CHEK2: variants seen among roughly 807,000 people sequenced by gnomAD.
CHEK2 encodes serine/threonine-protein kinase Chk2.
CHEK2 carries 71 observed loss-of-function variants against 69.1 expected under a neutral mutation model. That is an observed-to-expected ratio of 1.03 (90% CI 0.85 to 1.25). The LOEUF is 1.25. Among genes scored for constraint, CHEK2 ranks in the 50% most tolerant of loss-of-function variants. CHEK2 has a pLI of 0.00. For synonymous variants in CHEK2, 189 were observed against 226.9 expected, an observed-to-expected ratio of 0.83 and a Z score of 1.50; for missense variants, 664 against 649.6, an observed-to-expected ratio of 1.02 and a Z score of -0.24.
chr22:28,695,459 C>T (rs2052535963), intron 11 of CHEK2, among the ~76,000 whole-genome samples: 2 of 152,090 alleles, frequency 1.3e-5, no homozygotes, highest in South Asian at 4.2e-4. Context: ...GAGTTCGAGA[C>T]CAGCCTGGGC....
chr22:28,713,988 T>A lies in CHEK2; in HGVS notation c.684-1971A>T, dbSNP rs562295220. Among the ~76,000 whole-genome samples the A allele has an allele frequency of 9.2e-5, 14 of 152,350 alleles. No individual in the cohort carries two copies. In the South Asian group the frequency reaches 1.9e-3, roughly 20 times the overall value. ...GAGCCACCGTGCCCAGCCTGGACAC[T>A]TGTTTTTTAAATTGGGGAATTTATA... is the stretch of plus-strand genomic sequence containing the variant. On this transcript the variant is annotated intron_variant, in intron 5 of 14. Transcript: ENST00000404276.
intron 6 of CHEK2, 60 bp from the exon 7 acceptor site, chr22:28,710,119 C>T: frequency 1.7e-6 from 2 of 1,200,700 alleles, no homozygotes; most frequent in Non-Finnish European, 2.5e-6. Flanking sequence ...TTTAAAAAAA[C>T]ATTTACAGTT....
chr22:28,689,854 C>T (rs377357466), intron 13 of CHEK2, among the ~76,000 whole-genome samples: 3 of 152,178 alleles, frequency 2.0e-5, no homozygotes, highest in Non-Finnish European at 2.9e-5. Flanking sequence ...AGTGTGTATG[C>T]GAGTAGCTCC....
In CHEK2 at chr22:28,734,572, G is replaced by A. The variant is rs967317594; in HGVS notation, c.150C>T (p.Ser50=). Residue 50 remains serine, a synonymous_variant, in exon 2 of 15, where the codon AGC becomes AGT. Coordinates refer to ENST00000404276, the MANE Select transcript of CHEK2 (RefSeq NM_007194.4). The part of the protein sequence containing the change: ...SSSTSTMPNS[S]QSSHSSSGTL... ...TCCCAGAGCTGGAGTGAGAGGACTG[G>A]CTGGAGTTTGGCATCGTGCTGGTAG... The A allele has an allele frequency of 2.5e-6, 4 of 1,613,770 alleles. No homozygotes were observed. The African/African-American group carries it at 5.3e-5, about 22-fold the overall frequency.
At chr22:28,726,351 A>T (rs2054011316) in intron 2 of CHEK2, 1 of 151,188 alleles carries the variant, frequency 6.6e-6, no homozygotes, top group South Asian at 2.1e-4. Flanking sequence ...CCTGGGCAAC[A>T]GAGCAAGACC....
chr22:28,693,699 A>G (rs1156585391), intron 13 of CHEK2, among the ~76,000 whole-genome samples: 1 of 152,128 alleles, frequency 6.6e-6, no homozygotes, highest in African/African-American at 2.4e-5. Context: ...TCTCTACAAA[A>G]AATACAAAAA....
At chr22:28,728,886 A>T (rs188029789) in intron 2 of CHEK2, among the ~76,000 whole-genome samples, 7 of 152,200 alleles carry the variant, frequency 4.6e-5, no homozygotes, top group Admixed American at 4.6e-4. Context: ...CAGGAGGCTG[A>T]GGTAGGAGTT....
At chr22:28,726,983 G>A (rs1037477815) in intron 2 of CHEK2, among the ~76,000 whole-genome samples, 2 of 151,544 alleles carry the variant, frequency 1.3e-5, no homozygotes, top group Admixed American at 6.6e-5. Context: ...CTTGCCTTTT[G>A]TATAACAGAT....
At chr22:28,696,739 G>A (rs954760806) in intron 10 of CHEK2, among the ~76,000 whole-genome samples, 162 bp downstream of exon 10, 23 of 152,126 alleles carry the variant, frequency 1.5e-4, no homozygotes, top group Admixed American at 8.5e-4. Context: ...ATGCTCATTC[G>A]AATCTGGATA....
At position 28,719,431 on chromosome 22, in the gene CHEK2, A is replaced by C; in HGVS notation, c.647T>G (p.Leu216Ter). The C allele has an allele frequency of 6.3e-7, 1 of 1,597,346 alleles. No individual in the cohort carries two copies. The highest frequency in any genetic ancestry group is 8.5e-7 in the Non-Finnish European group (1 of 1,171,032). The change falls in exon 5 of 15, where the codon TTA becomes TGA. Residue 216 changes from leucine (L) to a stop codon, truncating the protein, a stop_gained. Transcript: ENST00000404276. LOFTEE classifies it high-confidence loss of function. ...TTTTGACATGATGTATTCATCTCTT[A>C]ATGCCTTAGGATAAACTGACTGATC... ...VDDQSVYPKA[L>*]RDEYIMSKTL...
intron 4 of CHEK2, among the ~76,000 whole-genome samples, chr22:28,723,316 A>G (rs1411569708): frequency 2.6e-5 from 4 of 152,106 alleles, no homozygotes; most frequent in Non-Finnish European, 5.9e-5. Context: ...AGAGCTCAAT[A>G]GGCCGGGCGC....
chr22:28,721,281 G>GTTTTTTTTTTTTTT (rs755378917), intron 4 of CHEK2, among the ~76,000 whole-genome samples: 1 of 109,948 alleles, frequency 9.1e-6, no homozygotes, highest in Non-Finnish European at 1.8e-5. Context: ...GTTTGTTTGG[G>GTTTTTTTTTTTTTT]TTTTTTTTTT....
chr22:28,729,274 T>C, intron 2 of CHEK2: 1 of 273,478 alleles, frequency 3.7e-6, no homozygotes, highest in East Asian at 1.6e-4. Flanking sequence ...CCAGGCGCGG[T>C]GGCTCACATC....
At chr22:28,723,605 AAAAAAG>A (rs1220187985) in intron 4 of CHEK2, among the ~76,000 whole-genome samples, 4 of 146,342 alleles carry the variant, frequency 2.7e-5, no homozygotes, top group East Asian at 2.0e-4. Flanking sequence ...CACAAGGAAA[AAAAAAG>A]AAAAAAAAAA....
rs776922287 is a variant in CHEK2 at position 28,734,734 on chromosome 22, A to C, written c.-6-7T>G. On this transcript the variant is annotated splice_polypyrimidine_tract_variant and splice_region_variant and intron_variant, in intron 1 of 14. Coordinates refer to ENST00000404276, the MANE Select transcript of CHEK2 (RefSeq NM_007194.4). Reference sequence around the variant, plus strand: ...ACTCCCGAGACATCACGACCTCAAAAAGAAAGTGTCCAACAACAAAGGTGA... The same window carrying C: ...ACTCCCGAGACATCACGACCTCAAACAGAAAGTGTCCAACAACAAAGGTGA... 6.2e-7 allele frequency: 1 copy of C among 1,613,008 alleles called. No individual in the cohort carries two copies. The highest frequency in any genetic ancestry group is 1.7e-5 in the Admixed American group (1 of 59,972).
intron 6 of CHEK2, 144 bp downstream of exon 6, chr22:28,711,765 A>T (rs2053399319): frequency 1.5e-5 from 10 of 666,186 alleles, no homozygotes; most frequent in South Asian, 3.4e-5. Context: ...ATGCCCCAAA[A>T]TTTTCCATGT....
chr22:28,724,322 T>G (rs1184680399), intron 4 of CHEK2, among the ~76,000 whole-genome samples: 4 of 151,786 alleles, frequency 2.6e-5, no homozygotes, highest in African/African-American at 9.7e-5. Context: ...GCAAGGAGAA[T>G]CGCTTGAAAC....
chr22:28,734,604 TGGATATGCCCTG>T lies in CHEK2; in HGVS notation c.106_117del (p.Gln36_Ser39del). On this transcript the variant is annotated inframe_deletion, in exon 2 of 15. Transcript: ENST00000404276. Reference sequence around the variant, plus strand: ...TTTGGCATCGTGCTGGTAGAGGAGCTGGATATGCCCTGGGACTGTGAGGAGGAGCCTTGGGAC... The same window carrying T: ...TTTGGCATCGTGCTGGTAGAGGAGCTGGACTGTGAGGAGGAGCCTTGGGAC... The T allele has an allele frequency of 6.2e-7, 1 of 1,613,832 alleles. No homozygotes were observed.
Position 28,725,250 on chromosome 22 carries a change from A to T in CHEK2, c.437T>A (p.Ile146Asn), listed in dbSNP as rs2146066581. The T allele has an allele frequency of 6.2e-7, 1 of 1,614,090 alleles. No individual in the cohort carries two copies. Among genetic ancestry groups the T allele is most frequent in the Non-Finnish European group, 8.5e-7 (1 of 1,180,018 alleles). ...TGGGTATTCATTACCTACCCTGAAA[A>T]TCCGAAAGTGTTTCTTGCTGTATGT... The part of the protein sequence containing the change: ...YRTYSKKHFR[I>N]FREVGPKNSY... Residue 146 changes from isoleucine (I) to asparagine (N), a missense_variant, in exon 3 of 15, where the codon ATT (isoleucine) becomes AAT (asparagine). Transcript: ENST00000404276.
Sources: allele counts gnomAD v4.1 joint callset (sites outside exome capture counted in the v4.1 genomes callset), GRCh38; gene constraint gnomAD v4.1.1; transcripts MANE v1.5; gene names NCBI Gene and HGNC (gene_info 2026-07-23, HGNC 2026-07-21).